The following SLC39A6 variants were observed in gnomAD, a reference collection of about 807,000 sequenced individuals.
SLC39A6 encodes solute carrier family 39 member 6.
In SLC39A6, 51 loss-of-function variants were observed where a neutral mutation model predicts 63.5. The ratio of observed to expected loss-of-function variants is 0.80; its 90% CI spans 0.64 to 1.01. SLC39A6 has a LOEUF of 1.01. SLC39A6 is among the 50% of genes least tolerant of loss of function. The pLI, the probability that SLC39A6 is intolerant of heterozygous loss-of-function variation, is 0.00. For synonymous variants in SLC39A6, 318 were observed against 324.7 expected (o/e 0.98, Z 0.22); for missense variants, 805 against 927.8 (o/e 0.87, Z 1.72).
chr18:36,114,418 G>A lies in SLC39A6; in HGVS notation c.1522C>T (p.Gln508Ter), dbSNP rs1181511986. Reference sequence around the variant, plus strand: ...TCTTCTTCTTCCAAGACTGCAGGCTGCTGAGAATCAAAGTGGGAGGGCTCT... The same window carrying A: ...TCTTCTTCTTCCAAGACTGCAGGCTACTGAGAATCAAAGTGGGAGGGCTCT... ...SQEPSHFDSQ[Q>*]PAVLEEEEVM... The change falls in exon 7 of 10, where the codon CAG becomes TAG. Residue 508 changes from glutamine to a stop codon, truncating the protein, a stop_gained. Transcript: ENST00000269187. LOFTEE classifies it high-confidence loss of function. 1 of 1,614,088 alleles carries A rather than the reference G, an allele frequency of 6.2e-7. No homozygotes were observed. Among genetic ancestry groups the A allele is most frequent in the East Asian group, 2.2e-5 (1 of 44,888 alleles).
At chr18:36,112,932 G>A (rs976010332) in intron 7 of SLC39A6, among the ~76,000 whole-genome samples, 5 of 152,130 alleles carry the variant, frequency 3.3e-5, no homozygotes, top group African/African-American at 9.7e-5. Flanking sequence ...CCTGTCAAGG[G>A]TATAAACATG....
intron 1 of SLC39A6, among the ~76,000 whole-genome samples, chr18:36,127,291 G>A (rs1457398004): frequency 2.6e-5 from 4 of 152,170 alleles, no homozygotes; most frequent in Non-Finnish European, 4.4e-5. Flanking sequence ...CAGAGACAAG[G>A]GAGATCCATG....
At chr18:36,112,931 G>A (rs1427545027) in intron 7 of SLC39A6, among the ~76,000 whole-genome samples, 1 of 151,962 alleles carries the variant, frequency 6.6e-6, no homozygotes, top group Non-Finnish European at 1.5e-5. Context: ...TCCTGTCAAG[G>A]GTATAAACAT....
chr18:36,129,043 A>C (rs1785912), intron 1 of SLC39A6, 71 bp downstream of exon 1: 53,252 of 150,850 alleles, frequency 0.35, 9,387 homozygotes, highest in Middle Eastern at 0.45. Context: ...AACCACCCCT[A>C]CCCCGCCACG....
At chr18:36,115,972 C>T (rs2089341881) in intron 6 of SLC39A6, among the ~76,000 whole-genome samples, 1 of 152,114 alleles carries the variant, frequency 6.6e-6, no homozygotes, top group African/African-American at 2.4e-5. Context: ...AGGACAAGTA[C>T]CATTTTGCGG....
chr18:36,117,706 T>C (rs1162681002), intron 5 of SLC39A6, among the ~76,000 whole-genome samples: 1 of 152,194 alleles, frequency 6.6e-6, no homozygotes, highest in East Asian at 1.9e-4. Context: ...CCATATCAAG[T>C]GTCTATACAT....
intron 7 of SLC39A6, among the ~76,000 whole-genome samples, 199 bp from the exon 8 acceptor site, chr18:36,112,780 G>A (rs564325864): frequency 2.0e-5 from 3 of 152,262 alleles, no homozygotes; most frequent in South Asian, 4.1e-4. Context: ...GGAGCACATC[G>A]GGCATGAAAG....
chr18:36,109,585 A>G lies in SLC39A6; in HGVS notation c.*8T>C. The G allele has an allele frequency of 6.2e-7, 1 of 1,600,370 alleles. No individual in the cohort carries two copies. Among genetic ancestry groups the G allele is most frequent in the Non-Finnish European group, 8.6e-7 (1 of 1,169,564 alleles). ...ACTTTTTAAGCTACTCTAGCATTTA[A>G]ACCTTAACTAGAAATTTATACGAAA... On this transcript the variant is annotated 3_prime_UTR_variant, in exon 10 of 10. Transcript: ENST00000269187.
rs2089286593 is a variant in SLC39A6, at chr18:36,109,760, AAG to A, written c.2116-17_2116-16del. 1 of 1,587,460 alleles carries A rather than the reference AAG, an allele frequency of 6.3e-7. No individual in the cohort carries two copies. The highest frequency in any genetic ancestry group is 1.4e-5 in the African/African-American group (1 of 73,076). On this transcript the variant is annotated splice_polypyrimidine_tract_variant and intron_variant, in intron 9 of 9. Transcript: ENST00000269187. ...ATTTCAGGTACCTTTAAAAAAAAGT[AAG>A]GGAAAATAAGAGTGACATTTAAGTT...
At chr18:36,112,409 A>T in intron 8 of SLC39A6, 92 bp downstream of exon 8, 1 of 879,616 alleles carries the variant, frequency 1.1e-6, no homozygotes, top group Non-Finnish European at 1.9e-6. Flanking sequence ...CATGAAATTG[A>T]TGAAGAAGCT....
At chr18:36,110,940 A>G in intron 9 of SLC39A6, 119 bp downstream of exon 9, 1 of 1,465,934 alleles carries the variant, frequency 6.8e-7, no homozygotes, top group East Asian at 2.4e-5. Flanking sequence ...AGCCTGGACG[A>G]CATAGCAAGA....
chr18:36,109,863 G>T, intron 9 of SLC39A6, 118 bp from the exon 10 acceptor site: 1 of 734,840 alleles, frequency 1.4e-6, no homozygotes, highest in Non-Finnish European at 2.3e-6. Context: ...GATATACTGT[G>T]AGTTAATTCC....
intron 7 of SLC39A6, among the ~76,000 whole-genome samples, chr18:36,113,287 T>C (rs2089316428): frequency 6.6e-6 from 1 of 151,896 alleles, no homozygotes; most frequent in African/African-American, 2.4e-5. Context: ...TTTGTAGAGA[T>C]AAGGTCTCAC....
intron 5 of SLC39A6, 77 bp downstream of exon 5, chr18:36,121,975 A>G: frequency 9.3e-7 from 1 of 1,073,842 alleles, no homozygotes; most frequent in Non-Finnish European, 1.4e-6. Context: ...TGGGCATGCT[A>G]TTCTAACAAT....
chr18:36,128,650 C>T lies in SLC39A6; in HGVS notation c.-10+464G>A, dbSNP rs114262695. On this transcript the variant is annotated intron_variant, in intron 1 of 9. Coordinates refer to ENST00000269187, the MANE Select transcript of SLC39A6 (RefSeq NM_012319.4). ...AGGGGACTAGCACAGGGGACAGCTCCGAGCCTTTCTCCAGGGAGGATGCTG... is the reference window on the plus strand; with the variant it reads ...AGGGGACTAGCACAGGGGACAGCTCTGAGCCTTTCTCCAGGGAGGATGCTG... Among the ~76,000 whole-genome samples, 1,353 of 152,214 alleles carry T rather than the reference C, an allele frequency of 8.9e-3. 17 individuals carry two copies. The highest frequency in any genetic ancestry group is 0.031 in the African/African-American group (1,270 of 41,524).
intron 5 of SLC39A6, among the ~76,000 whole-genome samples, chr18:36,118,315 A>G (rs1347453921): frequency 6.6e-6 from 1 of 152,206 alleles, no homozygotes; most frequent in African/African-American, 2.4e-5. Context: ...GGAGCTTACT[A>G]TCCACAGGGA....
chr18:36,123,636 G>A lies in SLC39A6; in HGVS notation c.999C>T (p.Ser333=). 1 of 1,607,004 alleles carries A rather than the reference G, an allele frequency of 6.2e-7. No homozygotes were observed. ...IAWVGGFIAI[S]IISFLSLLGV... ...CCAGCAGAGACAGGAAACTGATGAT[G>A]GAAATGGCTATAAAACCACCAACCC... Residue 333 remains serine, a synonymous_variant, in exon 4 of 10, where the codon TCC becomes TCT. Coordinates refer to ENST00000269187, the MANE Select transcript of SLC39A6 (RefSeq NM_012319.4).
At chr18:36,112,661 C>A in intron 7 of SLC39A6, 80 bp from the exon 8 acceptor site, 1 of 1,030,866 alleles carries the variant, frequency 9.7e-7, no homozygotes, top group Non-Finnish European at 1.5e-6. Flanking sequence ...AATGAGGTAA[C>A]AAGAAAATGG....
At chr18:36,122,656 TG>T (rs2089403877) in intron 4 of SLC39A6, among the ~76,000 whole-genome samples, 2 of 152,188 alleles carry the variant, frequency 1.3e-5, no homozygotes, top group Non-Finnish European at 2.9e-5. Flanking sequence ...GCCTAGTGTG[TG>T]TGTGTGTTGG....
Sources: allele counts gnomAD v4.1 joint callset (sites outside exome capture counted in the v4.1 genomes callset), GRCh38; gene constraint gnomAD v4.1.1; transcripts MANE v1.5; gene names NCBI Gene and HGNC (gene_info 2026-07-23, HGNC 2026-07-21).